ABHD5: variants seen among roughly 807,000 people sequenced by gnomAD.
ABHD5 encodes the protein abhydrolase domain containing 5, lysophosphatidic acid acyltransferase, also known as 1-acylglycerol-3-phosphate O-acyltransferase ABHD5.
In ABHD5, 30 loss-of-function variants were observed where a neutral mutation model predicts 44.9. The observed-to-expected ratio is 0.67, with a 90% CI of 0.50 to 0.91. The LOEUF (loss-of-function observed/expected upper bound fraction) is 0.91, where lower values mean the gene tolerates loss of function less well. Ranked by LOEUF, ABHD5 falls within the 40% of genes least tolerant of loss-of-function variation. The pLI is 0.00. For missense variants in ABHD5, 399 were observed against 423.4 expected (o/e 0.94, Z 0.50); for synonymous variants, 167 against 147.0 (o/e 1.14, Z -0.99).
At position 43,718,619 on chromosome 3, in the gene ABHD5, C is replaced by G; in HGVS notation, c.*87C>G. On this transcript the variant is annotated 3_prime_UTR_variant, in exon 7 of 7. Coordinates refer to ENST00000644371, the MANE Select transcript of ABHD5 (RefSeq NM_016006.6). ...AGTCTGTGATGAAGAGTAGTGAATA[C>G]AACACACAACCAGGCAGCCTTCTTG... The G allele has an allele frequency of 7.9e-7, 1 of 1,272,336 alleles. No homozygotes were observed. Among genetic ancestry groups the G allele is most frequent in the Middle Eastern group, 1.8e-4 (1 of 5,422 alleles). 78.8% of individuals were successfully genotyped at this position (1,272,336 alleles called of 1,614,324 possible).
chr3:43,723,656 C>G (rs938352966), downstream of ABHD5, among the ~76,000 whole-genome samples: 31 of 152,140 alleles, frequency 2.0e-4, no homozygotes, highest in South Asian at 2.1e-4. Flanking sequence ...TAAAAACACA[C>G]AGGAGATTGA....
At chr3:43,717,650 A>G in intron 5 of ABHD5, 21 bp from the exon 6 acceptor site, 1 of 1,613,818 alleles carries the variant, frequency 6.2e-7, no homozygotes, top group Non-Finnish European at 8.5e-7. Flanking sequence ...ATACATCGTG[A>G]TTTTCTCCTT....
chr3:43,712,694 C>T (rs958309472), intron 4 of ABHD5, among the ~76,000 whole-genome samples: 3 of 152,014 alleles, frequency 2.0e-5, no homozygotes, highest in African/African-American at 7.3e-5. Context: ...GTTGCTTGCT[C>T]ATTGATGTTA....
Position 43,702,583 on chromosome 3 carries a change from T to A in ABHD5, c.502T>A (p.Ser168Thr), listed in dbSNP as rs969130040. 1 of 1,614,156 alleles carries A rather than the reference T, an allele frequency of 6.2e-7. No individual in the cohort carries two copies. The highest frequency in any genetic ancestry group is 8.5e-7 in the Non-Finnish European group (1 of 1,180,014). The change falls in exon 3 of 7, where the codon TCA (serine) becomes ACA (threonine). Residue 168 changes from serine (S) to threonine (T), a missense_variant. Coordinates refer to ENST00000644371, the MANE Select transcript of ABHD5 (RefSeq NM_016006.6). ...TGCTGCTTACTCGCTGAAGTACCCATCAAGGTAAGTGGTGGTGACAGAAGA... is the reference window on the plus strand; with the variant it reads ...TGCTGCTTACTCGCTGAAGTACCCAACAAGGTAAGTGGTGGTGACAGAAGA... Reference protein sequence around the residue: ...LAAAYSLKYPSRVNHLILVEP... With the variant: ...LAAAYSLKYPTRVNHLILVEP...
chr3:43,721,981 G>A lies in ABHD5; in HGVS notation c.*3449G>A, dbSNP rs2084842288. On this transcript the variant is annotated 3_prime_UTR_variant, in exon 7 of 7. Transcript: ENST00000644371. Reference sequence around the variant, plus strand: ...GCAATGCACTCTGTTGAGACAATAGGGAAACAGGCACTCCAAAAATTACAA... The same window carrying A: ...GCAATGCACTCTGTTGAGACAATAGAGAAACAGGCACTCCAAAAATTACAA... 6.6e-6 allele frequency: 1 copy of A among 152,176 alleles called. No individual in the cohort carries two copies. The highest frequency in any genetic ancestry group is 6.5e-5 in the Admixed American group (1 of 15,284). 9.4% of individuals were successfully genotyped at this position (152,176 alleles called of 1,614,324 possible).
chr3:43,714,984 A>G lies in ABHD5; in HGVS notation c.699A>G (p.Lys233=). 1.2e-6 allele frequency: 2 copies of G among 1,613,614 alleles called. No homozygotes were observed. The highest frequency in any genetic ancestry group is 2.2e-5 in the East Asian group (1 of 44,812). Residue 233 remains lysine (K), a synonymous_variant, in exon 5 of 7, where the codon AAA becomes AAG. Transcript: ENST00000644371. ...SLVQRLRPDF[K]RKYSSMFEDD... Reference sequence around the variant, plus strand: ...TGCAGCGTTTAAGGCCTGATTTCAAACGAAAGTATTCTTCAATGTTCGAAG... The same window carrying G: ...TGCAGCGTTTAAGGCCTGATTTCAAGCGAAAGTATTCTTCAATGTTCGAAG...
At chr3:43,733,882 C>T (rs1697292692) in exon 8 of ABHD5, 1 of 152,130 alleles carries the variant, frequency 6.6e-6, no homozygotes. Flanking sequence ...TTTTTCAGAG[C>T]TCATTCCGCA....
intron 5 of ABHD5, 40 bp downstream of exon 5, chr3:43,715,098 TG>T: frequency 8.9e-7 from 1 of 1,124,066 alleles, no homozygotes; most frequent in East Asian, 2.4e-5. Context: ...TGTGTGTGTG[TG>T]TGTGTGTGTG....
At position 43,718,818 on chromosome 3, in the gene ABHD5, A is replaced by C. The variant is rs2084800678; in HGVS notation, c.*286A>C. 1 of 319,698 alleles carries C rather than the reference A, an allele frequency of 3.1e-6. No individual in the cohort carries two copies. Among genetic ancestry groups the C allele is most frequent in the Non-Finnish European group, 5.8e-6 (1 of 171,162 alleles). The allele number at this position is 319,698 out of a possible 1,614,324, so 19.8% of individuals were successfully genotyped here. ...CCCTCTGATGTACTGAAAAACTGTA[A>C]TTTTTCAGCTGAAAATTTTTTAATC... On this transcript the variant is annotated 3_prime_UTR_variant, in exon 7 of 7. Transcript: ENST00000644371.
rs537619304 is a variant in ABHD5, at chr3:43,717,717, A to G, written c.820A>G (p.Lys274Glu). ...TATGACTATTCCTTATGGATGGGCA[A>G]AAAGGCCAATGCTCCAGCGAATTGG... ...KNMTIPYGWA[K>E]RPMLQRIGKM... Residue 274 changes from lysine (K) to glutamate (E), a missense_variant, in exon 6 of 7, where the codon AAA becomes GAA. Physicochemically the swap from Lys to Glu is moderately conservative, Grantham distance 56. Transcript: ENST00000644371. The G allele has an allele frequency of 1.2e-6, 2 of 1,614,216 alleles. No homozygotes were observed. The highest frequency in any genetic ancestry group is 2.7e-5 in the African/African-American group (2 of 75,050).
chr3:43,715,641 C>T (rs2084754143), intron 5 of ABHD5, among the ~76,000 whole-genome samples: 1 of 152,130 alleles, frequency 6.6e-6, no homozygotes, highest in Non-Finnish European at 1.5e-5. Context: ...ACTCTTCCCT[C>T]AAAGTTCTCA....
chr3:43,726,614 C>T (rs2084879666), downstream of ABHD5, among the ~76,000 whole-genome samples: 1 of 152,160 alleles, frequency 6.6e-6, no homozygotes, highest in Non-Finnish European at 1.5e-5. Flanking sequence ...TGGCCAGCAC[C>T]AAAGATGCCA....
rs942465762 is a variant in ABHD5 at position 43,720,715 on chromosome 3, T to C, written c.*2183T>C. Reference sequence around the variant, plus strand: ...GTCACAACAAGACAGCTGTATAGTTTCTTGAGTCTTTTGTATGGACCAGTC... The same window carrying C: ...GTCACAACAAGACAGCTGTATAGTTCCTTGAGTCTTTTGTATGGACCAGTC... On this transcript the variant is annotated 3_prime_UTR_variant, in exon 7 of 7. Coordinates refer to ENST00000644371, the MANE Select transcript of ABHD5 (RefSeq NM_016006.6). 1 of 152,206 alleles carries C rather than the reference T, an allele frequency of 6.6e-6. No individual in the cohort carries two copies. Among genetic ancestry groups the C allele is most frequent in the African/African-American group, 2.4e-5 (1 of 41,450 alleles). 9.4% of individuals were successfully genotyped at this position (152,206 alleles called of 1,614,324 possible). A position where few individuals can be genotyped will look rare whatever the true frequency, so the allele number is the denominator to read the frequency against.
chr3:43,718,488 G>A lies in ABHD5; in HGVS notation c.1006G>A (p.Glu336Lys), dbSNP rs762662276. Residue 336 changes from glutamate to lysine, a missense_variant, in exon 7 of 7, where the codon GAA becomes AAA. Transcript: ENST00000644371. ...GHYVYADQPE[E>K]FNQKVKEICD... ...TTATGTATATGCAGATCAACCAGAA[G>A]AATTCAACCAGAAAGTAAAGGAGAT... 1.5e-5 allele frequency: 25 copies of A among 1,614,018 alleles called. No individual in the cohort carries two copies. The highest frequency in any genetic ancestry group is 2.0e-5 in the Non-Finnish European group (24 of 1,179,936).
At chr3:43,705,353 G>C (rs932425631) in intron 3 of ABHD5, among the ~76,000 whole-genome samples, 1 of 152,142 alleles carries the variant, frequency 6.6e-6, no homozygotes, top group African/African-American at 2.4e-5. Context: ...TCTACATCTT[G>C]AGTTAGTATA....
Position 43,702,432 on chromosome 3 carries a change from A to AC in ABHD5, c.354dup (p.Arg119GlnfsTer3), listed in dbSNP as rs764214615. ...TATTGGGTTTTGGACGAAGTAGTAG[A>AC]CCCAGGTTTGACAGTGATGCAGAAG... On this transcript the variant is annotated frameshift_variant, in exon 3 of 7. Coordinates refer to ENST00000644371, the MANE Select transcript of ABHD5 (RefSeq NM_016006.6). LOFTEE classifies it high-confidence loss of function. 5.0e-6 allele frequency: 8 copies of AC among 1,614,220 alleles called. No homozygotes were observed. The highest frequency in any genetic ancestry group is 6.8e-6 in the Non-Finnish European group (8 of 1,180,052).
chr3:43,727,543 A>T (rs2084885806), downstream of ABHD5, among the ~76,000 whole-genome samples: 4 of 152,190 alleles, frequency 2.6e-5, no homozygotes, highest in Admixed American at 2.6e-4. Context: ...TTTACTCTAG[A>T]AGTGTAAATG....
chr3:43,730,613 GTCT>G (rs1425668918), intron 7 of ABHD5, among the ~76,000 whole-genome samples: 1 of 147,034 alleles, frequency 6.8e-6, no homozygotes, highest in East Asian at 2.0e-4. Flanking sequence ...TCATCATGCA[GTCT>G]TCCCTCAGCC....
chr3:43,711,892 ATGTT>A (rs762569063), intron 4 of ABHD5, 29 bp downstream of exon 4: 1 of 1,613,988 alleles, frequency 6.2e-7, no homozygotes, highest in Non-Finnish European at 8.5e-7. Flanking sequence ...GGAAAGCAAA[ATGTT>A]TGTAAGTTAT....
Sources: gnomAD v4.1 joint callset for allele counts (sites outside exome capture counted in the v4.1 genomes callset) on GRCh38, gnomAD v4.1.1 for gene constraint, MANE v1.5 for transcripts, NCBI Gene and HGNC (gene_info 2026-07-23, HGNC 2026-07-21) for gene names.